Variants in FAM149A observed in about 807,000 individuals in gnomAD.
FAM149A encodes protein FAM149A.
A neutral mutation model predicts 78.2 loss-of-function variants in FAM149A; 71 were observed. The ratio of observed to expected loss-of-function variants is 0.91; its 90% confidence interval spans 0.75 to 1.11. The LOEUF is 1.11. Among genes scored for constraint, FAM149A ranks in the 50% least tolerant of loss-of-function variants. FAM149A has a pLI of 0.00. For missense variants in FAM149A, 1,036 were observed against 971.0 expected (o/e 1.07, Z -0.89); for synonymous variants, 446 against 410.5 (o/e 1.09, Z -1.04).
At chr4:186,168,724 A>C (rs1276695488) in intron 13 of FAM149A, among the ~76,000 whole-genome samples, 1 of 152,218 alleles carries the variant, frequency 6.6e-6, no homozygotes, top group African/African-American at 2.4e-5. Context: ...CTTATCAATC[A>C]TGGATGGGTG....
chr4:186,120,167 C>T (rs890869368), intron 1 of FAM149A, among the ~76,000 whole-genome samples: 1 of 152,164 alleles, frequency 6.6e-6, no homozygotes, highest in African/African-American at 2.4e-5. Flanking sequence ...TCAGGGTCTA[C>T]TAGACACCAA....
At chr4:186,163,068 G>A in intron 9 of FAM149A, 120 bp downstream of exon 9, 3 of 679,054 alleles carry the variant, frequency 4.4e-6, no homozygotes, top group Non-Finnish European at 7.9e-6. Flanking sequence ...TGCTTCAGAT[G>A]TGCCTGAGCA....
intron 1 of FAM149A, among the ~76,000 whole-genome samples, chr4:186,126,434 T>A (rs2099318359): frequency 6.6e-6 from 1 of 152,210 alleles, no homozygotes; most frequent in Admixed American, 6.5e-5. Flanking sequence ...AACATTTTCA[T>A]CAGTAGACGC....
chr4:186,154,384 A>T lies in FAM149A; in HGVS notation c.1059-84A>T. 3 of 1,179,586 alleles carry T rather than the reference A, an allele frequency of 2.5e-6. No individual in the cohort carries two copies. In the South Asian group the frequency reaches 5.1e-5, roughly 20 times the overall value. The allele number at this position is 1,179,586 out of a possible 1,614,324, so 73.1% of individuals were successfully genotyped here. ...GGGGGGATTCTGTACTTTACAGATA[A>T]TTGAAAGATCCGCCATGATCGTTTA... On this transcript the variant is annotated intron_variant, in intron 5 of 13. Transcript: ENST00000389354.
chr4:186,160,275 AACACACCACACACCAAAC>A (rs1734459996), intron 8 of FAM149A, among the ~76,000 whole-genome samples: 1 of 124,970 alleles, frequency 8.0e-6, no homozygotes, highest in East Asian at 2.5e-4. Context: ...ACCCGACACA[AACACACCACACACCAAAC>A]ACACACCCCA....
chr4:186,136,869 T>G (rs1190569482), intron 1 of FAM149A, among the ~76,000 whole-genome samples: 3 of 152,078 alleles, frequency 2.0e-5, no homozygotes, highest in African/African-American at 7.2e-5. Flanking sequence ...GTTTTCTCAC[T>G]GGCAGAATGG....
intron 1 of FAM149A, chr4:186,125,240 A>G: frequency 1.0e-6 from 1 of 984,440 alleles, no homozygotes; most frequent in Non-Finnish European, 1.2e-6. Context: ...TCTCTAAGTA[A>G]TGATGCAGTT....
chr4:186,108,106 A>G (rs1443738617), intron 1 of FAM149A, among the ~76,000 whole-genome samples: 2 of 152,194 alleles, frequency 1.3e-5, no homozygotes, highest in Non-Finnish European at 2.9e-5. Context: ...ATTTGCTCCT[A>G]CCATCTCATC....
At chr4:186,143,746 G>A (rs1253965013) in intron 1 of FAM149A, among the ~76,000 whole-genome samples, 2 of 152,042 alleles carry the variant, frequency 1.3e-5, no homozygotes, top group Non-Finnish European at 2.9e-5. Context: ...GGCCAGGCTG[G>A]TCTTGAACTC....
In FAM149A at chr4:186,158,214, C is replaced by T. The variant is rs977566869; in HGVS notation, c.1575+495C>T. 56 of 1,274,716 alleles carry T rather than the reference C, an allele frequency of 4.4e-5. 3 individuals carry two copies. In the South Asian group the frequency reaches 7.3e-4, roughly 17 times the overall value. 79.0% of individuals were successfully genotyped at this position (1,274,716 alleles called of 1,614,324 possible). A position where few individuals can be genotyped will look rare whatever the true frequency, so the allele number is the denominator to read the frequency against. ...GCTGCTGGCCGCTTCTCTCCTGGAACCTTCACTCGCCAGACCCAGGCAGCC... is the reference window on the plus strand; with the variant it reads ...GCTGCTGGCCGCTTCTCTCCTGGAATCTTCACTCGCCAGACCCAGGCAGCC... On this transcript the variant is annotated intron_variant, in intron 8 of 13. Coordinates refer to ENST00000389354, the MANE Select transcript of FAM149A (RefSeq NM_001367768.3).
intron 1 of FAM149A, among the ~76,000 whole-genome samples, chr4:186,134,754 T>C (rs2099322041): frequency 6.6e-6 from 1 of 152,152 alleles, no homozygotes. Context: ...TTTGCAGGAA[T>C]CTGGATTCTG....
intron 1 of FAM149A, chr4:186,109,311 C>CTTTT (rs60560568): frequency 7.3e-5 from 42 of 571,690 alleles, no homozygotes; most frequent in Non-Finnish European, 8.4e-5. Flanking sequence ...TATATTCACT[C>CTTTT]TTTTTTTTTT....
chr4:186,150,548 T>C (rs1346425231), intron 3 of FAM149A, among the ~76,000 whole-genome samples: 1 of 125,392 alleles, frequency 8.0e-6, no homozygotes, highest in East Asian at 2.3e-4. Flanking sequence ...GCCTCCCGAG[T>C]AGCTGGGACC....
At chr4:186,105,709 A>C (rs2099308465) in intron 1 of FAM149A, 67 bp downstream of exon 1, 1 of 989,364 alleles carries the variant, frequency 1.0e-6, no homozygotes, top group Non-Finnish European at 1.2e-6. Context: ...CGCCTGCCGC[A>C]CTCACCTTCG....
intron 6 of FAM149A, chr4:186,155,023 T>C (rs1373173542): frequency 5.1e-6 from 4 of 777,716 alleles, no homozygotes; most frequent in Non-Finnish European, 6.3e-6. Flanking sequence ...AGTGCAGCCG[T>C]GCGAGCTCGG....
At chr4:186,153,546 A>G in intron 4 of FAM149A, 99 bp from the exon 5 acceptor site, 1 of 1,524,848 alleles carries the variant, frequency 6.6e-7, no homozygotes, top group South Asian at 1.3e-5. Flanking sequence ...ATCTTATCAT[A>G]CACATGCCTT....
intron 1 of FAM149A, among the ~76,000 whole-genome samples, chr4:186,128,969 G>A (rs2099319473): frequency 1.3e-5 from 2 of 151,622 alleles, no homozygotes; most frequent in African/African-American, 4.8e-5. Context: ...GTGTATGTGT[G>A]TCTTTTTTGG....
intron 1 of FAM149A, among the ~76,000 whole-genome samples, chr4:186,136,990 C>CTCTCTCTCTCTCTCTCTT (rs2099323459): frequency 6.5e-5 from 6 of 92,798 alleles, no homozygotes; most frequent in African/African-American, 1.9e-4. Flanking sequence ...CTCTCTCTCT[C>CTCTCTCTCTCTCTCTCTT]TCTCTCTCTC....
In FAM149A at chr4:186,136,964, T is replaced by TTTC. The variant is rs2099323211; in HGVS notation, c.567-12208_567-12207insTCT. ...TCTCTCTCTCTCTCTCTCTCTCTCT[T>TTTC]TCTCTCTCTCTTTCTCTCTCTCTCT... On this transcript the variant is annotated intron_variant, in intron 1 of 13. Coordinates refer to ENST00000389354, the MANE Select transcript of FAM149A (RefSeq NM_001367768.3). Among the ~76,000 whole-genome samples, 12 of 97,040 alleles carry TTTC rather than the reference T, an allele frequency of 1.2e-4. 2 individuals are homozygous for TTTC. The highest frequency in any genetic ancestry group is 2.0e-4 in the Non-Finnish European group (10 of 49,824). 63.7% of individuals were successfully genotyped at this position (97,040 alleles called of 152,430 possible).
Sources: allele counts gnomAD v4.1 joint callset (sites outside exome capture counted in the v4.1 genomes callset), GRCh38; gene constraint gnomAD v4.1.1; transcripts MANE v1.5; gene names NCBI Gene and HGNC (gene_info 2026-07-23, HGNC 2026-07-21).